The following UNC13C variants were observed in gnomAD, a reference collection of about 807,000 sequenced individuals.
UNC13C encodes unc-13 homolog C.
UNC13C carries 174 observed loss-of-function variants against 245.4 expected under a neutral mutation model. The ratio of observed to expected loss-of-function variants is 0.71; its 90% CI spans 0.63 to 0.80. The LOEUF is 0.80. UNC13C is among the 30% of genes least tolerant of loss of function. The pLI is 0.00. For synonymous variants in UNC13C, 992 were observed against 895.1 expected (o/e 1.11, Z -1.93); for missense variants, 2,829 against 2,602.9 (o/e 1.09, Z -1.89).
At chr15:54,229,965 C>A (rs1026234669) in intron 4 of UNC13C, among the ~76,000 whole-genome samples, 2 of 151,828 alleles carry the variant, frequency 1.3e-5, no homozygotes, top group African/African-American at 4.8e-5. Flanking sequence ...TTTTTTAAGA[C>A]TGACTAGTAT....
chr15:54,101,043 T>G (rs1900136661), intron 2 of UNC13C, among the ~76,000 whole-genome samples: 1 of 152,228 alleles, frequency 6.6e-6, no homozygotes. Context: ...ATAATTTTTA[T>G]TTCTAAGATT....
chr15:54,305,261 A>G (rs1286895297), intron 13 of UNC13C, among the ~76,000 whole-genome samples: 1 of 152,112 alleles, frequency 6.6e-6, no homozygotes, highest in Non-Finnish European at 1.5e-5. Context: ...GTGAAAATGA[A>G]AAGTTTAATT....
intron 19 of UNC13C, among the ~76,000 whole-genome samples, chr15:54,448,060 C>T (rs1417449438): frequency 1.3e-5 from 2 of 152,166 alleles, no homozygotes; most frequent in Admixed American, 1.3e-4. Context: ...GCAGGTTGTT[C>T]AGTTTCCATG....
intron 13 of UNC13C, among the ~76,000 whole-genome samples, chr15:54,320,304 G>A (rs2038117564): frequency 6.6e-6 from 1 of 151,978 alleles, no homozygotes; most frequent in Non-Finnish European, 1.5e-5. Context: ...TTCCGATGGT[G>A]CTAAATTCCA....
chr15:54,542,225 C>A (rs529670850), intron 26 of UNC13C, among the ~76,000 whole-genome samples: 4 of 152,064 alleles, frequency 2.6e-5, no homozygotes, highest in Non-Finnish European at 5.9e-5. Flanking sequence ...TTTCAAAGAA[C>A]TTATTTATTT....
chr15:54,104,071 G>A (rs930579174), intron 2 of UNC13C, among the ~76,000 whole-genome samples: 1 of 152,180 alleles, frequency 6.6e-6, no homozygotes, highest in African/African-American at 2.4e-5. Context: ...ATATTGTGTC[G>A]AGTCCTTTTC....
the UNC13C span, among the ~76,000 whole-genome samples, chr15:53,930,240 A>G: frequency 6.6e-6 from 1 of 152,068 alleles, no homozygotes; most frequent in Non-Finnish European, 1.5e-5. Context: ...TCCTCATAGC[A>G]CGACAGTTGA....
At chr15:53,993,749 G>T (rs937344087) in intron 1 of UNC13C, among the ~76,000 whole-genome samples, 5 of 151,950 alleles carry the variant, frequency 3.3e-5, no homozygotes, top group Admixed American at 2.6e-4. Flanking sequence ...GCAGATTGTG[G>T]TCCCACGATC....
At chr15:54,346,274 G>A (rs1375675152) in intron 17 of UNC13C, among the ~76,000 whole-genome samples, 1 of 152,124 alleles carries the variant, frequency 6.6e-6, no homozygotes, top group Non-Finnish European at 1.5e-5. Context: ...CTTATTTGTA[G>A]TATCCTTCAG....
At chr15:54,135,603 T>A (rs1374989650) in intron 2 of UNC13C, among the ~76,000 whole-genome samples, 3 of 152,248 alleles carry the variant, frequency 2.0e-5, no homozygotes, top group African/African-American at 7.2e-5. Context: ...AAATATTAGT[T>A]TGCCATATGT....
intron 19 of UNC13C, among the ~76,000 whole-genome samples, chr15:54,474,341 T>C (rs1043217869): frequency 6.6e-6 from 1 of 152,014 alleles, no homozygotes; most frequent in African/African-American, 2.4e-5. Context: ...GCATCTGCTA[T>C]TTTTTTCCTT....
At chr15:54,463,761 G>A (rs976567239) in intron 19 of UNC13C, among the ~76,000 whole-genome samples, 2 of 152,052 alleles carry the variant, frequency 1.3e-5, no homozygotes, top group African/African-American at 4.8e-5. Context: ...CACCAATTCC[G>A]GACACAAAAT....
intron 29 of UNC13C, among the ~76,000 whole-genome samples, chr15:54,558,103 G>C (rs1270201506): frequency 6.6e-6 from 1 of 152,024 alleles, no homozygotes; most frequent in Non-Finnish European, 1.5e-5. Flanking sequence ...GGACTGTTGT[G>C]GGGTGGGGAG....
chr15:54,162,461 A>G (rs112498001), intron 4 of UNC13C, among the ~76,000 whole-genome samples: 6 of 152,274 alleles, frequency 3.9e-5, no homozygotes, highest in African/African-American at 1.4e-4. Context: ...CCTCATACTA[A>G]AAGATTTCCT....
At chr15:54,121,662 T>A (rs1308216508) in intron 2 of UNC13C, among the ~76,000 whole-genome samples, 1 of 152,138 alleles carries the variant, frequency 6.6e-6, no homozygotes, top group Non-Finnish European at 1.5e-5. Context: ...TTTGCTTGAC[T>A]ATTTTTGTAG....
intron 14 of UNC13C, among the ~76,000 whole-genome samples, chr15:54,325,371 A>G (rs2038271981): frequency 6.6e-6 from 1 of 152,074 alleles, no homozygotes; most frequent in East Asian, 1.9e-4. Flanking sequence ...TATAGCTGAC[A>G]TTTTGTTGGT....
intron 4 of UNC13C, among the ~76,000 whole-genome samples, chr15:54,213,180 A>G (rs921884432): frequency 2.0e-5 from 3 of 151,990 alleles, no homozygotes; most frequent in South Asian, 2.1e-4. Context: ...ATATTCCACA[A>G]TGTTTACATA....
chr15:54,552,543 ATT>A (rs1896824489), intron 28 of UNC13C, among the ~76,000 whole-genome samples: 1 of 86,442 alleles, frequency 1.2e-5, no homozygotes, highest in African/African-American at 5.1e-5. Flanking sequence ...ATAATTATAT[ATT>A]ATATTGTATA....
At chr15:54,532,489 A>G (rs1025588747) in intron 25 of UNC13C, among the ~76,000 whole-genome samples, 5 of 152,210 alleles carry the variant, frequency 3.3e-5, no homozygotes, top group African/African-American at 9.6e-5. Flanking sequence ...ATGAAATACT[A>G]TTCAGCCAAA....
Sources: allele counts gnomAD v4.1 joint callset (sites outside exome capture counted in the v4.1 genomes callset), GRCh38; gene constraint gnomAD v4.1.1; transcripts MANE v1.5; gene names NCBI Gene and HGNC (gene_info 2026-07-23, HGNC 2026-07-21).